Variants in UGGT2 observed in about 807,000 individuals in gnomAD.
UGGT2 encodes the protein UDP-glucose:glycoprotein glucosyltransferase 2.
A neutral mutation model predicts 192.1 loss-of-function variants in UGGT2; 180 were observed. The observed-to-expected ratio is 0.94, with a 90% CI of 0.83 to 1.06. The LOEUF (loss-of-function observed/expected upper bound fraction) is 1.06, where lower values mean the gene tolerates loss of function less well. Among genes scored for constraint, UGGT2 ranks in the 50% least tolerant of loss-of-function variants. The probability of loss-of-function intolerance (pLI) is 0.00; values close to 1 mark genes in which losing one functional copy is unlikely to be tolerated. For missense variants in UGGT2, 1,849 were observed against 1,795.7 expected, an observed-to-expected ratio of 1.03 and a Z score of -0.54; for synonymous variants, 580 against 591.0, an observed-to-expected ratio of 0.98 and a Z score of 0.27.
intron 12 of UGGT2, among the ~76,000 whole-genome samples, chr13:95,954,123 T>C (rs530683650): frequency 4.6e-5 from 7 of 152,310 alleles, no homozygotes; most frequent in Non-Finnish European, 8.8e-5. Flanking sequence ...TACACAAACT[T>C]AGTTTCATAC....
At chr13:95,981,632 C>G (rs972660185) in intron 10 of UGGT2, among the ~76,000 whole-genome samples, 1 of 152,032 alleles carries the variant, frequency 6.6e-6, no homozygotes, top group Admixed American at 6.6e-5. Flanking sequence ...AAAAAAAGAC[C>G]ATTATTACTT....
At chr13:95,914,382 AG>A (rs1271688146) in intron 20 of UGGT2, among the ~76,000 whole-genome samples, 1 of 152,130 alleles carries the variant, frequency 6.6e-6, no homozygotes, top group African/African-American at 2.4e-5. Flanking sequence ...ACAAAAGGAG[AG>A]AATTAAAGAT....
In UGGT2 at chr13:96,044,062, A is replaced by T. The variant is rs140987762; in HGVS notation, c.158+9093T>A. On this transcript the variant is annotated intron_variant, in intron 1 of 38. Transcript: ENST00000376747. ...TCTACCCAACAACCACAGAATATAC[A>T]TTCTATTCATCATCAGTGCATGAAA... 1.4e-3 allele frequency among the ~76,000 whole-genome samples: 213 copies of T among 152,294 alleles called. 1 individual carries two copies. Among genetic ancestry groups the T allele is most frequent in the African/African-American group, 4.8e-3 (199 of 41,568 alleles).
At chr13:95,906,394 G>T (rs1292686878) in intron 20 of UGGT2, among the ~76,000 whole-genome samples, 1 of 152,052 alleles carries the variant, frequency 6.6e-6, no homozygotes. Flanking sequence ...ATGGCAACTG[G>T]AAGATAAATC....
At chr13:95,822,823 T>C (rs1885647000) in intron 38 of UGGT2, among the ~76,000 whole-genome samples, 1 of 152,108 alleles carries the variant, frequency 6.6e-6, no homozygotes, top group Non-Finnish European at 1.5e-5. Flanking sequence ...TCTTTGTGAT[T>C]TCTTTTCTTT....
chr13:95,837,313 CA>C, intron 36 of UGGT2, 111 bp from the exon 37 acceptor site: 1 of 737,398 alleles, frequency 1.4e-6, no homozygotes, highest in African/African-American at 1.8e-5. Flanking sequence ...AAAACATATG[CA>C]AATCTGAGAT....
chr13:95,978,153 A>G (rs993931170), intron 10 of UGGT2, among the ~76,000 whole-genome samples: 8 of 152,138 alleles, frequency 5.3e-5, no homozygotes, highest in African/African-American at 9.7e-5. Flanking sequence ...ACAAACCCGC[A>G]TGTTCTGCAT....
chr13:95,934,026 T>C (rs1009626274), intron 17 of UGGT2, among the ~76,000 whole-genome samples: 4 of 152,228 alleles, frequency 2.6e-5, no homozygotes, highest in Non-Finnish European at 4.4e-5. Flanking sequence ...ACTATAACTC[T>C]GAAAACTGCT....
rs1215488713 is a variant in UGGT2 at position 95,895,155 on chromosome 13, T to C, written c.2759+25A>G. 8 of 1,552,878 alleles carry C rather than the reference T, an allele frequency of 5.2e-6. No individual in the cohort carries two copies. In the Admixed American group the frequency reaches 7.1e-5, roughly 14 times the overall value. On this transcript the variant is annotated intron_variant, in intron 23 of 38. Coordinates refer to ENST00000376747, the MANE Select transcript of UGGT2 (RefSeq NM_020121.4). ...CTCAAAATACCAAACCCAAAATGAA[T>C]TGCTCTTAGAACTTATATACTCACT...
chr13:95,942,680 C>T lies in UGGT2; in HGVS notation c.1678-2589G>A, dbSNP rs148211255. ...CTTTTTGAATTGTAGAAAATGTTTACATCTCATGGAATATAAATATTTTAT... is the reference window on the plus strand; with the variant it reads ...CTTTTTGAATTGTAGAAAATGTTTATATCTCATGGAATATAAATATTTTAT... On this transcript the variant is annotated intron_variant, in intron 15 of 38. Coordinates refer to ENST00000376747, the MANE Select transcript of UGGT2 (RefSeq NM_020121.4). Among the ~76,000 whole-genome samples the T allele has an allele frequency of 3.3e-3, 508 of 152,134 alleles. 4 individuals carry two copies. Among genetic ancestry groups the T allele is most frequent in the African/African-American group, 0.012 (481 of 41,536 alleles).
intron 20 of UGGT2, among the ~76,000 whole-genome samples, chr13:95,925,307 T>G (rs2048982951): frequency 6.6e-6 from 1 of 152,210 alleles, no homozygotes; most frequent in Admixed American, 6.5e-5. Flanking sequence ...AAGAAAATGC[T>G]GCTTAATTAT....
chr13:95,997,720 C>T (rs1424286926), intron 6 of UGGT2, among the ~76,000 whole-genome samples: 9 of 152,118 alleles, frequency 5.9e-5, no homozygotes, highest in Admixed American at 5.2e-4. Context: ...AAAGGAACAG[C>T]ATATGCTAAG....
At chr13:95,853,698 T>A (rs3099360) in intron 35 of UGGT2, 41 bp from the exon 36 acceptor site, 34 of 1,421,550 alleles carry the variant, frequency 2.4e-5, no homozygotes, top group Non-Finnish European at 3.2e-5. Context: ...ATGTTGTTTA[T>A]GTAGTTTTAG....
At chr13:96,018,712 C>T (rs1436804916) in intron 4 of UGGT2, among the ~76,000 whole-genome samples, 1 of 147,504 alleles carries the variant, frequency 6.8e-6, no homozygotes, top group Non-Finnish European at 1.5e-5. Context: ...AGAAAGGCAA[C>T]ATTGATGACC....
At position 95,863,543 on chromosome 13, in the gene UGGT2, C is replaced by T. The variant is rs1890356658; in HGVS notation, c.3644+86G>A. 6.5e-6 allele frequency: 7 copies of T among 1,077,180 alleles called. No homozygotes were observed. In the South Asian group the frequency reaches 9.2e-5, roughly 14 times the overall value. The allele number at this position is 1,077,180 out of a possible 1,614,324, so 66.7% of individuals were successfully genotyped here. A position where few individuals can be genotyped will look rare whatever the true frequency, so the allele number is the denominator to read the frequency against. ...CCTAGATTAGAGGACCTTTGCCTTACTTAAATTTTCACTACCTGTGGAACT... is the reference window on the plus strand; with the variant it reads ...CCTAGATTAGAGGACCTTTGCCTTATTTAAATTTTCACTACCTGTGGAACT... On this transcript the variant is annotated intron_variant, in intron 31 of 38. Coordinates refer to ENST00000376747, the MANE Select transcript of UGGT2 (RefSeq NM_020121.4).
chr13:95,961,083 C>G (rs2050376984), intron 12 of UGGT2, among the ~76,000 whole-genome samples: 1 of 152,034 alleles, frequency 6.6e-6, no homozygotes, highest in African/African-American at 2.4e-5. Flanking sequence ...CATCCTGAAA[C>G]ATAAATACCA....
At chr13:96,007,150 G>A (rs752530159) in intron 5 of UGGT2, among the ~76,000 whole-genome samples, 6 of 152,024 alleles carry the variant, frequency 3.9e-5, no homozygotes, top group African/African-American at 9.7e-5. Context: ...TACACAAATC[G>A]ATAAATGTAA....
chr13:95,894,191 C>G (rs928791567), intron 24 of UGGT2, among the ~76,000 whole-genome samples: 53 of 152,024 alleles, frequency 3.5e-4, no homozygotes, highest in African/African-American at 1.1e-3. Flanking sequence ...AGAGGCCACC[C>G]TACATTTGAT....
intron 4 of UGGT2, among the ~76,000 whole-genome samples, chr13:96,015,451 C>T (rs2052305462): frequency 6.6e-6 from 1 of 152,098 alleles, no homozygotes; most frequent in Admixed American, 6.5e-5. Context: ...ACCTTCCTTC[C>T]TGTACCTATA....
Sources: allele counts gnomAD v4.1 joint callset (sites outside exome capture counted in the v4.1 genomes callset), GRCh38; gene constraint gnomAD v4.1.1; transcripts MANE v1.5; gene names NCBI Gene and HGNC (gene_info 2026-07-23, HGNC 2026-07-21).